The following CLIC5 variants were observed in gnomAD, a reference collection of about 807,000 sequenced individuals.
The protein encoded by CLIC5 is chloride intracellular channel protein 5.
CLIC5 carries 20 observed loss-of-function variants against 24.7 expected under a neutral mutation model. The observed-to-expected ratio is 0.81, with a 90% CI of 0.57 to 1.18. The LOEUF is 1.18. Ranked by LOEUF, CLIC5 falls within the 50% of genes most tolerant of loss-of-function variation. The pLI is 0.00. For synonymous variants in CLIC5, 159 were observed against 135.6 expected, an observed-to-expected ratio of 1.17 and a Z score of -1.20; for missense variants, 341 against 326.1, an observed-to-expected ratio of 1.05 and a Z score of -0.35.
chr6:46,006,002 A>ATATGTATATATATATATATATT lies in CLIC5; in HGVS notation c.63+9477_63+9478insAATATATATATATATATACATA, dbSNP rs1330895254. On this transcript the variant is annotated intron_variant, in intron 1 of 5. Coordinates refer to ENST00000339561, the MANE Select transcript of CLIC5 (RefSeq NM_016929.5). ...TGTGTATATATATATATATATATTT[A>ATATGTATATATATATATATATT]TATATATATATATACACACATGTAT... Among the ~76,000 whole-genome samples the ATATGTATATATATATATATATT allele has an allele frequency of 2.6e-3, 283 of 107,462 alleles. 4 individuals carry two copies. Among genetic ancestry groups the ATATGTATATATATATATATATT allele is most frequent in the African/African-American group, 0.01 (274 of 27,094 alleles). The allele number at this position is 107,462 out of a possible 152,430, so 70.5% of individuals were successfully genotyped here.
At chr6:46,019,692 C>CA (rs60367562), upstream of CLIC5, among the ~76,000 whole-genome samples, 7,069 of 61,900 alleles carry the variant, frequency 0.11, 520 homozygotes, top group East Asian at 0.23. Flanking sequence ...GACTCCGTCT[C>CA]AAAAAAAAAA....
intron 1 of CLIC5, among the ~76,000 whole-genome samples, chr6:46,026,447 A>G (rs186786249): frequency 1.6e-4 from 25 of 152,274 alleles, no homozygotes; most frequent in Admixed American, 1.6e-3. Flanking sequence ...GTTCTCTTTA[A>G]TCTATATTCA....
At chr6:46,125,474 T>C in the CLIC5 span, among the ~76,000 whole-genome samples, 4 of 152,174 alleles carry the variant, frequency 2.6e-5, no homozygotes, top group Non-Finnish European at 5.9e-5. Context: ...ATACATAATG[T>C]AAATGACGAG....
chr6:45,889,511 C>T (rs976894262), intron 6 of CLIC5, among the ~76,000 whole-genome samples: 3 of 152,070 alleles, frequency 2.0e-5, no homozygotes, highest in African/African-American at 7.2e-5. Flanking sequence ...TATGTGCTTT[C>T]GGGTAAGAAG....
At chr6:45,891,012 A>G (rs1762342870) in intron 6 of CLIC5, among the ~76,000 whole-genome samples, 1 of 152,216 alleles carries the variant, frequency 6.6e-6, no homozygotes. Context: ...TCTATTGCAC[A>G]GCACAACGAT....
At chr6:46,118,878 G>A in the CLIC5 span, among the ~76,000 whole-genome samples, 1 of 152,182 alleles carries the variant, frequency 6.6e-6, no homozygotes, top group Non-Finnish European at 1.5e-5. Context: ...TTAAGTAAGG[G>A]TCTTGAGAAG....
At chr6:45,903,850 C>T (rs1232370699) in intron 5 of CLIC5, among the ~76,000 whole-genome samples, 3 of 152,020 alleles carry the variant, frequency 2.0e-5, no homozygotes, top group Admixed American at 1.3e-4. Context: ...CTCTTATTCA[C>T]TTTGTTTTAC....
At chr6:46,095,682 C>T in the CLIC5 span, among the ~76,000 whole-genome samples, 1 of 152,234 alleles carries the variant, frequency 6.6e-6, no homozygotes, top group Non-Finnish European at 1.5e-5. Flanking sequence ...GTCCATATCA[C>T]ATATTACTAT....
At chr6:46,000,315 G>A (rs1039021092) in intron 1 of CLIC5, among the ~76,000 whole-genome samples, 4 of 152,140 alleles carry the variant, frequency 2.6e-5, no homozygotes, top group African/African-American at 9.7e-5. Context: ...CACATACTGT[G>A]TATGTCTGTG....
chr6:45,881,919 T>C (rs552757672), intron 6 of CLIC5, among the ~76,000 whole-genome samples: 1 of 151,682 alleles, frequency 6.6e-6, no homozygotes, highest in Non-Finnish European at 1.5e-5. Flanking sequence ...ATTCTGGAAA[T>C]GGGGAAATGA....
Position 45,914,249 on chromosome 6 carries a change from C to T in CLIC5, c.567G>A (p.Leu189=), listed in dbSNP as rs552758913. 1.5e-5 allele frequency: 24 copies of T among 1,600,624 alleles called. No homozygotes were observed. In the South Asian group the frequency reaches 2.5e-4, roughly 16 times the overall value. ...TTACCTTGACCACATGGAGCTTGGGCAACAGATTGCAGTCAGCCAGGGTCA... is the reference window on the plus strand; with the variant it reads ...TTACCTTGACCACATGGAGCTTGGGTAACAGATTGCAGTCAGCCAGGGTCA... ...DELTLADCNL[L]PKLHVVKIVA... is the part of the protein sequence containing the mutation. The change falls in exon 5 of 6, where the codon TTG becomes TTA. Residue 189 remains leucine, a synonymous_variant. Coordinates refer to ENST00000339561, the MANE Select transcript of CLIC5 (RefSeq NM_016929.5).
At chr6:45,984,084 G>A (rs994415251) in intron 1 of CLIC5, among the ~76,000 whole-genome samples, 1 of 152,212 alleles carries the variant, frequency 6.6e-6, no homozygotes, top group Admixed American at 6.5e-5. Flanking sequence ...AAGAGTCAAA[G>A]AGAGTGTGGG....
At chr6:46,040,268 T>G (rs1295301521) in intron 1 of CLIC5, among the ~76,000 whole-genome samples, 1 of 152,148 alleles carries the variant, frequency 6.6e-6, no homozygotes, top group Non-Finnish European at 1.5e-5. Context: ...TGTTTGTTGG[T>G]GGTGTTGTTG....
chr6:45,929,120 C>T (rs988571929), intron 4 of CLIC5, among the ~76,000 whole-genome samples: 2 of 152,156 alleles, frequency 1.3e-5, no homozygotes, highest in African/African-American at 4.8e-5. Context: ...CAGCTCTCCC[C>T]ACCCCCTTCT....
intron 4 of CLIC5, among the ~76,000 whole-genome samples, chr6:45,914,927 ATTTG>A (rs937926027): frequency 1.9e-4 from 29 of 151,854 alleles, no homozygotes; most frequent in African/African-American, 5.8e-4. Flanking sequence ...TTATTTATTT[ATTTG>A]TTTGTTTATT....
intron 1 of CLIC5, among the ~76,000 whole-genome samples, chr6:46,062,215 G>C (rs1170525160): frequency 6.6e-6 from 1 of 152,170 alleles, no homozygotes; most frequent in African/African-American, 2.4e-5. Context: ...AAATATAAAA[G>C]ATTACTCACC....
chr6:46,028,066 T>A (rs1767391016), intron 1 of CLIC5, among the ~76,000 whole-genome samples: 1 of 152,204 alleles, frequency 6.6e-6, no homozygotes, highest in African/African-American at 2.4e-5. Flanking sequence ...AGTCACTGCA[T>A]CAATGGACAC....
intron 1 of CLIC5, among the ~76,000 whole-genome samples, chr6:46,063,146 C>T (rs1045606389): frequency 7.2e-5 from 11 of 152,192 alleles, no homozygotes; most frequent in African/African-American, 2.4e-4. Flanking sequence ...GCTGTCATCT[C>T]ACAATGTCAC....
chr6:45,889,615 A>G (rs1762332471), intron 6 of CLIC5, among the ~76,000 whole-genome samples: 1 of 152,236 alleles, frequency 6.6e-6, no homozygotes, highest in Non-Finnish European at 1.5e-5. Context: ...CTTAATTTAG[A>G]TAGGGTGAAG....
Sources: gnomAD v4.1 joint callset for allele counts (sites outside exome capture counted in the v4.1 genomes callset) on GRCh38, gnomAD v4.1.1 for gene constraint, MANE v1.5 for transcripts, NCBI Gene and HGNC (gene_info 2026-07-23, HGNC 2026-07-21) for gene names.